The following CNKSR2 variants were observed in gnomAD, a reference collection of about 807,000 sequenced individuals.
CNKSR2 encodes connector enhancer of kinase suppressor of Ras 2.
Under a neutral mutation model 84.4 loss-of-function variants are expected in CNKSR2, and 14 were observed. The ratio of observed to expected loss-of-function variants is 0.17; its 90% CI spans 0.11 to 0.26. CNKSR2 has a LOEUF of 0.26. Among genes scored for constraint, CNKSR2 ranks in the 10% least tolerant of loss-of-function variants. CNKSR2 has a pLI of 1.00. For synonymous variants in CNKSR2, 275 were observed against 277.9 expected (o/e 0.99, Z 0.10); for missense variants, 485 against 771.2 (o/e 0.63, Z 4.40).
At chrX:21,499,390 G>C (rs1057041009) in intron 7 of CNKSR2, among the ~76,000 whole-genome samples, 1 of 111,324 alleles carries the variant, frequency 9.0e-6, no homozygotes, top group East Asian at 2.8e-4. Context: ...TGGACAAAGG[G>C]AAGAATAGTA....
intron 20 of CNKSR2, among the ~76,000 whole-genome samples, chrX:21,617,622 A>ATATATTT (rs1357901096): frequency 1.8e-5 from 2 of 111,575 alleles, no homozygotes; most frequent in Non-Finnish European, 3.8e-5. Flanking sequence ...TTCCTTATAT[A>ATATATTT]TCTCTATCTT....
chrX:21,454,667 G>A (rs906637924), intron 4 of CNKSR2, among the ~76,000 whole-genome samples: 1 of 112,213 alleles, frequency 8.9e-6, no homozygotes, highest in South Asian at 3.7e-4. Context: ...CTAAAAGGAC[G>A]TGAAGATCAA....
rs995137528 is a variant in CNKSR2 at position 21,451,212 on chromosome X, A to C, written c.519+10431A>C. 4.5e-5 allele frequency among the ~76,000 whole-genome samples: 5 copies of C among 111,983 alleles called. No individual in the cohort carries two copies. In the South Asian group the frequency reaches 1.5e-3, roughly 33 times the overall value. On this transcript the variant is annotated intron_variant, in intron 4 of 21. Transcript: ENST00000379510. Reference sequence around the variant, plus strand: ...CCTTGAGAAAGTAAAGAGACATTGAAGTTGAATATGGGGTTCCTTCTCTGA... The same window carrying C: ...CCTTGAGAAAGTAAAGAGACATTGACGTTGAATATGGGGTTCCTTCTCTGA...
At chrX:21,419,757 A>G (rs939877701) in intron 1 of CNKSR2, among the ~76,000 whole-genome samples, 2 of 111,810 alleles carry the variant, frequency 1.8e-5, no homozygotes, top group East Asian at 5.7e-4. Context: ...ACAGTCTCTC[A>G]CTCTGTTGTG....
At chrX:21,493,209 TC>T (rs923049256) in intron 6 of CNKSR2, 9 of 112,330 alleles carry the variant, frequency 8.0e-5, no homozygotes, top group Non-Finnish European at 1.3e-4. Flanking sequence ...TATGAAACTT[TC>T]TTCTAAAGTG....
chrX:21,435,163 T>C (rs774720475), intron 3 of CNKSR2, among the ~76,000 whole-genome samples: 1 of 109,951 alleles, frequency 9.1e-6, no homozygotes, highest in Non-Finnish European at 1.9e-5. Context: ...TTTTCTGTTT[T>C]GGGCCTCAGT....
chrX:21,557,717 C>T (rs748500623), intron 11 of CNKSR2, among the ~76,000 whole-genome samples: 1 of 111,098 alleles, frequency 9.0e-6, no homozygotes, highest in Non-Finnish European at 1.9e-5. Flanking sequence ...CCCTAATCCT[C>T]GTTTTCTAGA....
intron 11 of CNKSR2, among the ~76,000 whole-genome samples, chrX:21,554,891 T>A (rs746802632): frequency 1.3e-4 from 14 of 111,471 alleles, no homozygotes; most frequent in South Asian, 7.6e-4. Context: ...TGTCTTTAGG[T>A]CTTTGAGGAA....
rs1675785373 is a variant in CNKSR2, at chrX:21,424,690, G to A, written c.65-1807G>A. 5 of 111,730 alleles carry A rather than the reference G, an allele frequency of 4.5e-5. No individual in the cohort carries two copies. The Admixed American group carries it at 4.7e-4, about 11-fold the overall frequency. The allele number at this position is 111,730 out of a possible 1,213,427, so 9.2% of individuals were successfully genotyped here. A position where few individuals can be genotyped will look rare whatever the true frequency, so the allele number is the denominator to read the frequency against. On this transcript the variant is annotated intron_variant, in intron 1 of 21. Coordinates refer to ENST00000379510, the MANE Select transcript of CNKSR2 (RefSeq NM_014927.5). ...TAATACAAGTACTGCATTCCTTGAG[G>A]TCTGTGTCTTATTTACCCTTTTATC...
intron 13 of CNKSR2, among the ~76,000 whole-genome samples, chrX:21,567,228 T>C (rs2092246598): frequency 8.9e-6 from 1 of 112,076 alleles, no homozygotes; most frequent in African/African-American, 3.2e-5. Context: ...TTTAATTATA[T>C]ATTTATGTGA....
chrX:21,517,142 T>C (rs1196828694), intron 9 of CNKSR2, among the ~76,000 whole-genome samples: 3 of 111,121 alleles, frequency 2.7e-5, no homozygotes, highest in South Asian at 3.8e-4. Context: ...CCCAGCACTT[T>C]AGGAGGCTGA....
At chrX:21,404,246 T>C (rs986760925) in intron 1 of CNKSR2, among the ~76,000 whole-genome samples, 1 of 111,218 alleles carries the variant, frequency 9.0e-6, no homozygotes, top group Non-Finnish European at 1.9e-5. Context: ...GATGATGAGA[T>C]TTTATCAGAA....
intron 1 of CNKSR2, among the ~76,000 whole-genome samples, chrX:21,375,250 C>T (rs1270747471): frequency 8.9e-6 from 1 of 112,824 alleles, no homozygotes; most frequent in African/African-American, 3.2e-5. Context: ...CTTGCGTACT[C>T]CCCTCTCCCC....
chrX:21,527,015 CGTT>C lies in CNKSR2; in HGVS notation c.1091+18_1091+20del. On this transcript the variant is annotated intron_variant, in intron 10 of 21. Transcript: ENST00000379510. ...TATATTCCCAGGTATAAAACTATCA[CGTT>C]GTCCTAGGCAGCTTCTAGCTAAAGG... 8.3e-7 allele frequency: 1 copy of C among 1,199,107 alleles called. No individual in the cohort carries two copies. The highest frequency in any genetic ancestry group is 3.0e-5 in the East Asian group (1 of 33,581).
At chrX:21,502,897 A>G (rs1346549525) in intron 8 of CNKSR2, among the ~76,000 whole-genome samples, 2 of 111,229 alleles carry the variant, frequency 1.8e-5, no homozygotes, top group Non-Finnish European at 3.8e-5. Flanking sequence ...TTCCTGTCCC[A>G]TAGGATGAGG....
intron 5 of CNKSR2, among the ~76,000 whole-genome samples, chrX:21,479,580 T>C (rs946557421): frequency 2.7e-5 from 3 of 110,975 alleles, no homozygotes; most frequent in Non-Finnish European, 5.7e-5. Flanking sequence ...TAAATAATTA[T>C]AAATTATGAT....
intron 8 of CNKSR2, among the ~76,000 whole-genome samples, chrX:21,507,960 T>C (rs1168100989): frequency 8.9e-6 from 1 of 111,871 alleles, no homozygotes; most frequent in Non-Finnish European, 1.9e-5. Context: ...AGAAATGAAA[T>C]ATAGGAAGGA....
At chrX:21,632,563 T>C (rs979367287) in intron 20 of CNKSR2, among the ~76,000 whole-genome samples, 3 of 112,200 alleles carry the variant, frequency 2.7e-5, no homozygotes, top group Admixed American at 9.5e-5. Context: ...ACTGTATTCA[T>C]GGTGTGTACT....
chrX:21,455,489 A>C (rs983223614), intron 4 of CNKSR2, among the ~76,000 whole-genome samples: 5 of 112,227 alleles, frequency 4.5e-5, no homozygotes, highest in Non-Finnish European at 9.4e-5. Flanking sequence ...TGTAAATGAA[A>C]CTTTTATACC....
Sources: gnomAD v4.1 joint callset for allele counts (sites outside exome capture counted in the v4.1 genomes callset) on GRCh38, gnomAD v4.1.1 for gene constraint, MANE v1.5 for transcripts, NCBI Gene and HGNC (gene_info 2026-07-23, HGNC 2026-07-21) for gene names.